The following GFRAL variants were observed in gnomAD, a reference collection of about 807,000 sequenced individuals.
The protein encoded by GFRAL is GDNF family receptor alpha-like.
A neutral mutation model predicts 45.4 loss-of-function variants in GFRAL; 36 were observed. That is an observed-to-expected ratio of 0.79 (90% CI 0.61 to 1.05). The LOEUF (loss-of-function observed/expected upper bound fraction) is 1.05. GFRAL is among the 50% of genes least tolerant of loss of function. The probability of loss-of-function intolerance (pLI) is 0.00; values close to 1 mark genes in which losing one functional copy is unlikely to be tolerated. For synonymous variants in GFRAL, 166 were observed against 154.1 expected (o/e 1.08, Z -0.57); for missense variants, 507 against 467.5 (o/e 1.08, Z -0.78).
intron 3 of GFRAL, among the ~76,000 whole-genome samples, chr6:55,337,662 G>A (rs2127351056): frequency 2.0e-5 from 3 of 152,114 alleles, no homozygotes; most frequent in African/African-American, 7.2e-5. Flanking sequence ...AATTTATGTT[G>A]GATTTTTATC....
intron 3 of GFRAL, among the ~76,000 whole-genome samples, chr6:55,345,635 C>T (rs148285849): frequency 6.6e-6 from 1 of 152,144 alleles, no homozygotes; most frequent in African/African-American, 2.4e-5. Context: ...TAGGCACGGG[C>T]AAGGACTTCA....
intron 3 of GFRAL, among the ~76,000 whole-genome samples, chr6:55,345,983 A>G (rs930501666): frequency 2.0e-5 from 3 of 152,224 alleles, no homozygotes; most frequent in Non-Finnish European, 4.4e-5. Flanking sequence ...AATCAAAACC[A>G]CAATGAGATA....
At chr6:55,376,480 C>CATCTTGCTT (rs575076825) in intron 6 of GFRAL, among the ~76,000 whole-genome samples, 18 of 150,518 alleles carry the variant, frequency 1.2e-4, no homozygotes, top group East Asian at 9.8e-4. Flanking sequence ...GTGTTAATAC[C>CATCTTGCTT]ATCTTGCTTG....
At chr6:55,348,345 T>C (rs1768071198) in intron 3 of GFRAL, among the ~76,000 whole-genome samples, 1 of 152,150 alleles carries the variant, frequency 6.6e-6, no homozygotes, top group Non-Finnish European at 1.5e-5. Flanking sequence ...TAAAATGTAA[T>C]ACCTTCTATG....
intron 6 of GFRAL, among the ~76,000 whole-genome samples, chr6:55,368,915 C>T (rs567270532): frequency 3.3e-5 from 5 of 152,228 alleles, no homozygotes; most frequent in Admixed American, 2.0e-4. Context: ...GCCCTGACCC[C>T]GGAGGTGGAG....
chr6:55,387,056 G>A (rs1315576082), intron 6 of GFRAL, among the ~76,000 whole-genome samples: 3 of 152,154 alleles, frequency 2.0e-5, no homozygotes, highest in Non-Finnish European at 2.9e-5. Flanking sequence ...AACATGAAAT[G>A]TTGTATGAAT....
chr6:55,377,100 T>G (rs1236301465), intron 6 of GFRAL, among the ~76,000 whole-genome samples: 1 of 152,060 alleles, frequency 6.6e-6, no homozygotes, highest in East Asian at 1.9e-4. Context: ...AACCACCACA[T>G]GTAGTGCTAC....
At chr6:55,365,092 G>C (rs1768340983) in intron 6 of GFRAL, among the ~76,000 whole-genome samples, 2 of 151,422 alleles carry the variant, frequency 1.3e-5, no homozygotes, top group African/African-American at 2.4e-5. Context: ...TCTTCCATTT[G>C]TTTGTATCCT....
intron 6 of GFRAL, among the ~76,000 whole-genome samples, chr6:55,396,521 G>T (rs1411075862): frequency 6.6e-6 from 1 of 151,820 alleles, no homozygotes; most frequent in Non-Finnish European, 1.5e-5. Context: ...AATGTATATT[G>T]TATATACTTA....
At chr6:55,358,015 T>C (rs1768218698) in intron 5 of GFRAL, among the ~76,000 whole-genome samples, 1 of 151,806 alleles carries the variant, frequency 6.6e-6, no homozygotes, top group Non-Finnish European at 1.5e-5. Flanking sequence ...GTATTTCCTT[T>C]ATTATAAATT....
At chr6:55,401,679 A>G (rs1768897924) in intron 8 of GFRAL, 111 bp from the exon 9 acceptor site, 1 of 708,654 alleles carries the variant, frequency 1.4e-6, no homozygotes, top group Non-Finnish European at 2.5e-6. Context: ...CTGGAACTTG[A>G]TTAGTTTTTT....
intron 3 of GFRAL, among the ~76,000 whole-genome samples, chr6:55,344,525 T>C (rs962654204): frequency 5.9e-5 from 9 of 152,188 alleles, no homozygotes; most frequent in African/African-American, 9.7e-5. Context: ...AAATTAGGTA[T>C]TGATGGGATG....
At chr6:55,350,651 G>C (rs951954137) in intron 4 of GFRAL, among the ~76,000 whole-genome samples, 27 of 151,898 alleles carry the variant, frequency 1.8e-4, no homozygotes, top group African/African-American at 6.3e-4. Flanking sequence ...CAGTGAGCTG[G>C]GATCATGCCA....
At chr6:55,396,741 AT>A (rs1160161129) in intron 6 of GFRAL, among the ~76,000 whole-genome samples, 1 of 152,020 alleles carries the variant, frequency 6.6e-6, no homozygotes, top group Non-Finnish European at 1.5e-5. Flanking sequence ...AAAATTTCTC[AT>A]TTTTCCCCTT....
At chr6:55,355,075 T>G (rs1581909257) in intron 5 of GFRAL, among the ~76,000 whole-genome samples, 1 of 152,198 alleles carries the variant, frequency 6.6e-6, no homozygotes, top group South Asian at 2.1e-4. Flanking sequence ...TAAATACTTT[T>G]AAATATGTAT....
At chr6:55,346,811 T>C (rs1768048227) in intron 3 of GFRAL, among the ~76,000 whole-genome samples, 1 of 91,618 alleles carries the variant, frequency 1.1e-5, no homozygotes. Context: ...TAGATATCAG[T>C]ACAAAAAATA....
At chr6:55,342,763 T>C (rs537169992) in intron 3 of GFRAL, among the ~76,000 whole-genome samples, 2 of 152,200 alleles carry the variant, frequency 1.3e-5, no homozygotes, top group East Asian at 3.9e-4. Context: ...CCCATCAGTG[T>C]GCTGTATTCA....
chr6:55,337,953 G>A (rs1373843205), intron 3 of GFRAL, among the ~76,000 whole-genome samples: 2 of 151,990 alleles, frequency 1.3e-5, no homozygotes, highest in African/African-American at 4.8e-5. Context: ...CCTCATATAA[G>A]CATTTAATAC....
rs148113230 is a variant in GFRAL at position 55,359,164 on chromosome 6, G to GCCTATCTATCTATCTATCTATCTA, written c.952+26_952+27insCCTATCTATCTATCTATCTATCTA. 3 of 1,370,292 alleles carry GCCTATCTATCTATCTATCTATCTA rather than the reference G, an allele frequency of 2.2e-6. No individual in the cohort carries two copies. In the African/African-American group the frequency reaches 4.4e-5, roughly 20 times the overall value. The allele number at this position is 1,370,292 out of a possible 1,614,324, so 84.9% of individuals were successfully genotyped here. On this transcript the variant is annotated intron_variant, in intron 6 of 8. Transcript: ENST00000340465. Reference sequence around the variant, plus strand: ...GTAAGTTCCCCAAATAAAATTATCTGTCTATCTATCTATCTATCTATCATC... The same window carrying GCCTATCTATCTATCTATCTATCTA: ...GTAAGTTCCCCAAATAAAATTATCTGCCTATCTATCTATCTATCTATCTATCTATCTATCTATCTATCTATCATC...
Sources: gnomAD v4.1 joint callset for allele counts (sites outside exome capture counted in the v4.1 genomes callset) on GRCh38, gnomAD v4.1.1 for gene constraint, MANE v1.5 for transcripts, NCBI Gene and HGNC (gene_info 2026-07-23, HGNC 2026-07-21) for gene names.